The following RORA variants were observed in gnomAD, a reference collection of about 807,000 sequenced individuals.
RORA encodes RAR related orphan receptor A, also known as nuclear receptor ROR-alpha.
RORA carries 7 observed loss-of-function variants against 69.5 expected under a neutral mutation model. That is an observed-to-expected ratio of 0.10 (90% CI 0.06 to 0.19). The LOEUF is 0.19. Ranked by LOEUF, RORA falls within the 10% of genes least tolerant of loss-of-function variation. RORA has a pLI of 1.00. For synonymous variants in RORA, 261 were observed against 240.8 expected, an observed-to-expected ratio of 1.08 and a Z score of -0.78; for missense variants, 457 against 663.0, an observed-to-expected ratio of 0.69 and a Z score of 3.41.
At chr15:61,019,290 C>T (rs1287571441) in intron 1 of RORA, among the ~76,000 whole-genome samples, 1 of 152,208 alleles carries the variant, frequency 6.6e-6, no homozygotes, top group Non-Finnish European at 1.5e-5. Flanking sequence ...GGAACTGCTT[C>T]CCACATTTTA....
At chr15:60,616,778 A>G (rs1460019074) in intron 2 of RORA, among the ~76,000 whole-genome samples, 1 of 152,232 alleles carries the variant, frequency 6.6e-6, no homozygotes, top group Non-Finnish European at 1.5e-5. Context: ...GTTGAGGTAC[A>G]TCCAGGTTCA....
intron 1 of RORA, among the ~76,000 whole-genome samples, chr15:60,779,833 C>A (rs1042565096): frequency 6.6e-6 from 1 of 152,180 alleles, no homozygotes; most frequent in Non-Finnish European, 1.5e-5. Flanking sequence ...GATCAGTCAA[C>A]TGAGGCCTGG....
chr15:60,548,783 G>A (rs987602224), intron 2 of RORA, among the ~76,000 whole-genome samples: 3 of 151,966 alleles, frequency 2.0e-5, no homozygotes, highest in African/African-American at 2.4e-5. Context: ...GACTACAGGC[G>A]CCCACCACCA....
chr15:60,640,765 C>T (rs777249339), intron 2 of RORA, among the ~76,000 whole-genome samples: 14 of 152,146 alleles, frequency 9.2e-5, no homozygotes, highest in Non-Finnish European at 7.3e-5. Context: ...GAAACCTTCT[C>T]CTAGGTCAAA....
intron 2 of RORA, chr15:60,592,238 G>T: frequency 2.3e-6 from 1 of 427,498 alleles, no homozygotes; most frequent in Non-Finnish European, 3.6e-6. Context: ...CCGCGGCGGT[G>T]GCCCAGAAGG....
chr15:61,171,617 C>T (rs2079585861), intron 1 of RORA, among the ~76,000 whole-genome samples: 1 of 152,184 alleles, frequency 6.6e-6, no homozygotes. Context: ...GCTAGCCCTA[C>T]TTGACTAATA....
intron 2 of RORA, among the ~76,000 whole-genome samples, chr15:60,630,993 G>A (rs1262518935): frequency 3.3e-5 from 5 of 151,250 alleles, no homozygotes; most frequent in African/African-American, 9.7e-5. Context: ...GGGTTCAAGC[G>A]ATTCTCCTGC....
At chr15:60,890,914 A>G (rs997082632) in intron 1 of RORA, among the ~76,000 whole-genome samples, 1 of 152,232 alleles carries the variant, frequency 6.6e-6, no homozygotes, top group Admixed American at 6.5e-5. Flanking sequence ...AGTGCCCAAT[A>G]GTGGGACGAG....
At chr15:61,100,658 C>G (rs911912197) in intron 1 of RORA, among the ~76,000 whole-genome samples, 3 of 152,152 alleles carry the variant, frequency 2.0e-5, no homozygotes, top group South Asian at 4.1e-4. Context: ...CTGCACTCCC[C>G]CTAATGGAAA....
At chr15:60,573,383 A>C (rs1416786677) in intron 2 of RORA, among the ~76,000 whole-genome samples, 1 of 152,256 alleles carries the variant, frequency 6.6e-6, no homozygotes, top group Admixed American at 6.5e-5. Flanking sequence ...GCGGCCGCAC[A>C]GAAACCCAAA....
chr15:61,129,629 G>C (rs1010529653), intron 1 of RORA, among the ~76,000 whole-genome samples: 2 of 152,216 alleles, frequency 1.3e-5, no homozygotes, highest in Non-Finnish European at 2.9e-5. Flanking sequence ...ATGTGATACT[G>C]TTTTAAATGG....
intron 2 of RORA, among the ~76,000 whole-genome samples, chr15:60,535,072 T>C (rs1407082092): frequency 1.3e-5 from 2 of 152,122 alleles, no homozygotes; most frequent in African/African-American, 4.8e-5. Flanking sequence ...CACCAGGTAG[T>C]GTGGTGTCTT....
In RORA at chr15:60,489,064, A is replaced by C. The variant is rs894261662; in HGVS notation, c.*8391T>G. On this transcript the variant is annotated 3_prime_UTR_variant, in exon 11 of 11. Transcript: ENST00000335670. ...CATTGTGCAGACGCAAAAAGATACAATCTCTACCCTCAGGAAGCTTAGGAT... is the reference window on the plus strand; with the variant it reads ...CATTGTGCAGACGCAAAAAGATACACTCTCTACCCTCAGGAAGCTTAGGAT... The C allele has an allele frequency of 2.6e-5, 4 of 152,186 alleles. No individual in the cohort carries two copies. The highest frequency in any genetic ancestry group is 2.6e-4 in the Admixed American group (4 of 15,278). The allele number at this position is 152,186 out of a possible 1,614,324, so 9.4% of individuals were successfully genotyped here. A position where few individuals can be genotyped will look rare whatever the true frequency, so the allele number is the denominator to read the frequency against.
At chr15:60,529,556 G>C (rs1311875528) in intron 3 of RORA, 2 of 152,138 alleles carry the variant, frequency 1.3e-5, no homozygotes, top group Non-Finnish European at 2.9e-5. Flanking sequence ...CAGAGCAGAG[G>C]AACAGAGCCA....
chr15:60,783,371 T>A (rs1174271241), intron 1 of RORA, among the ~76,000 whole-genome samples: 7 of 152,204 alleles, frequency 4.6e-5, no homozygotes, highest in Non-Finnish European at 7.3e-5. Context: ...TAATTAAATT[T>A]TATTGACAAA....
chr15:60,859,177 T>A (rs1372206568), intron 1 of RORA, among the ~76,000 whole-genome samples: 6 of 152,316 alleles, frequency 3.9e-5, no homozygotes, highest in Admixed American at 3.9e-4. Context: ...TCCCACAGGA[T>A]CCATCCACCT....
At chr15:60,513,522 C>G (rs1321964962) in intron 4 of RORA, among the ~76,000 whole-genome samples, 1 of 152,210 alleles carries the variant, frequency 6.6e-6, no homozygotes, top group Non-Finnish European at 1.5e-5. Flanking sequence ...AATGCACACA[C>G]AACTTGTGAT....
intron 1 of RORA, among the ~76,000 whole-genome samples, chr15:60,915,412 A>G (rs892477105): frequency 1.3e-5 from 2 of 152,198 alleles, no homozygotes; most frequent in Non-Finnish European, 2.9e-5. Context: ...GCCCCAGTGC[A>G]GAGGAGGGGC....
chr15:60,675,059 AG>A (rs1239103926), intron 2 of RORA, among the ~76,000 whole-genome samples: 3 of 152,182 alleles, frequency 2.0e-5, no homozygotes, highest in African/African-American at 7.2e-5. Flanking sequence ...TAAACTTTCC[AG>A]TAGCTGGAAA....
Sources: allele counts gnomAD v4.1 joint callset (sites outside exome capture counted in the v4.1 genomes callset), GRCh38; gene constraint gnomAD v4.1.1; transcripts MANE v1.5; gene names NCBI Gene and HGNC (gene_info 2026-07-23, HGNC 2026-07-21).